Variants in TTC12 observed in about 807,000 individuals in gnomAD.
The protein encoded by TTC12 is tetratricopeptide repeat domain 12, also known as tetratricopeptide repeat protein 12.
Under a neutral mutation model 90.1 loss-of-function variants are expected in TTC12, and 70 were observed. That is an observed-to-expected ratio of 0.78 (90% CI 0.64 to 0.95). The LOEUF (loss-of-function observed/expected upper bound fraction) is 0.95. TTC12 is among the 40% of genes least tolerant of loss of function. The pLI is 0.00. For missense variants in TTC12, 819 were observed against 846.1 expected (o/e 0.97, Z 0.40); for synonymous variants, 296 against 311.5 (o/e 0.95, Z 0.53).
In TTC12 at chr11:113,351,283, C is replaced by T; in HGVS notation, c.1292C>T (p.Ala431Val). The T allele has an allele frequency of 1.2e-6, 2 of 1,614,044 alleles. No homozygotes were observed. Residue 431 changes from alanine (A) to valine (V), a missense_variant, in exon 15 of 22, where the codon GCA becomes GTA. Coordinates refer to ENST00000529221, the MANE Select transcript of TTC12 (RefSeq NM_017868.4). ...FQANLPGVLP[A>V]LTGVLKTDPK... is the part of the protein sequence containing the mutation. ...GCCAACCTTCCAGGTGTTCTCCCTGCACTCACAGGCGTTCTGGTGAGCAAA... is the reference window on the plus strand; with the variant it reads ...GCCAACCTTCCAGGTGTTCTCCCTGTACTCACAGGCGTTCTGGTGAGCAAA...
In TTC12 at chr11:113,346,463, C is replaced by T. The variant is rs185675019; in HGVS notation, c.1154+2023C>T. 1.6e-4 allele frequency among the ~76,000 whole-genome samples: 25 copies of T among 152,182 alleles called. No homozygotes were observed. In the East Asian group the frequency reaches 4.1e-3, roughly 25 times the overall value. ...AGCTATTGGTGCGGTGGCTTAAAGA[C>T]GTCGAGGTCCAAGTCTCTGCCCTTC... On this transcript the variant is annotated intron_variant, in intron 13 of 21. Coordinates refer to ENST00000529221, the MANE Select transcript of TTC12 (RefSeq NM_017868.4).
At chr11:113,347,510 A>G (rs1218392054) in intron 13 of TTC12, among the ~76,000 whole-genome samples, 2 of 152,198 alleles carry the variant, frequency 1.3e-5, no homozygotes, top group Non-Finnish European at 2.9e-5. Flanking sequence ...CTCCCAAGGT[A>G]GCCAACTGTC....
chr11:113,325,639 A>G lies in TTC12; in HGVS notation c.438A>G (p.Arg146=). ...LKDMKVLYTN[R]AQAYMKLEDY... The stretch of plus-strand genomic sequence containing the variant: ...ACATGAAAGTGCTGTACACCAACCG[A>G]GCCCAGGTCAGTGAGGCAGGGATGT... Residue 146 remains arginine, a synonymous_variant, in exon 6 of 22, where the codon CGA becomes CGG. Transcript: ENST00000529221. 1 of 1,613,900 alleles carries G rather than the reference A, an allele frequency of 6.2e-7. No individual in the cohort carries two copies. Among genetic ancestry groups the G allele is most frequent in the Non-Finnish European group, 8.5e-7 (1 of 1,179,792 alleles).
chr11:113,352,520 G>A (rs113362794), intron 16 of TTC12, among the ~76,000 whole-genome samples: 3,289 of 151,934 alleles, frequency 0.022, 116 homozygotes, highest in African/African-American at 0.072. Flanking sequence ...GTAAACTTGT[G>A]TCATGGGGGT....
intron 7 of TTC12, among the ~76,000 whole-genome samples, chr11:113,333,975 T>C (rs1163889994): frequency 2.0e-5 from 3 of 152,226 alleles, no homozygotes; most frequent in Non-Finnish European, 4.4e-5. Flanking sequence ...TTTTACATAA[T>C]TTCTTTCTCA....
intron 12 of TTC12, among the ~76,000 whole-genome samples, chr11:113,343,255 A>G (rs1486078697): frequency 6.6e-6 from 1 of 152,200 alleles, no homozygotes; most frequent in Non-Finnish European, 1.5e-5. Context: ...GAATGGGCTT[A>G]CCCGGAGGGG....
intron 8 of TTC12, among the ~76,000 whole-genome samples, chr11:113,335,549 C>T (rs1948319838): frequency 1.3e-5 from 2 of 152,076 alleles, no homozygotes; most frequent in Admixed American, 1.3e-4. Flanking sequence ...TCATCCCTTC[C>T]TAGGAAAACC....
intron 5 of TTC12, 89 bp downstream of exon 5, chr11:113,324,771 C>G (rs1388818822): frequency 1.8e-5 from 21 of 1,177,048 alleles, no homozygotes; most frequent in Non-Finnish European, 2.5e-5. Context: ...TTGAGGACAT[C>G]TAGATTCCCA....
chr11:113,332,898 A>C (rs1231152783), intron 7 of TTC12, among the ~76,000 whole-genome samples: 3 of 152,110 alleles, frequency 2.0e-5, no homozygotes, highest in African/African-American at 7.2e-5. Context: ...TTGACTTCAC[A>C]TCCTCCATAT....
chr11:113,332,266 G>A (rs189424470), intron 7 of TTC12, among the ~76,000 whole-genome samples: 1 of 152,312 alleles, frequency 6.6e-6, no homozygotes, highest in East Asian at 1.9e-4. Flanking sequence ...ATTCTCGTGA[G>A]GGTCGACACA....
chr11:113,365,086 T>A, intron 21 of TTC12, 26 bp downstream of exon 21: 1 of 1,603,272 alleles, frequency 6.2e-7, no homozygotes. Context: ...GGAGCCAGGC[T>A]GACCTATTGC....
At chr11:113,341,755 A>G in intron 11 of TTC12, 82 bp from the exon 12 acceptor site, 1 of 1,021,588 alleles carries the variant, frequency 9.8e-7, no homozygotes, top group Non-Finnish European at 1.6e-6. Flanking sequence ...TGGTGAATCT[A>G]GGGGTGAAAT....
chr11:113,352,244 C>T (rs782199610), intron 16 of TTC12, 37 bp downstream of exon 16: 5 of 1,613,678 alleles, frequency 3.1e-6, no homozygotes, highest in Admixed American at 3.3e-5. Context: ...GGTCTTTATC[C>T]TCTTTGGGGG....
chr11:113,324,118 A>C (rs1324329647), intron 4 of TTC12, 103 bp downstream of exon 4: 2 of 915,118 alleles, frequency 2.2e-6, no homozygotes, highest in African/African-American at 3.3e-5. Context: ...GAGCTTACAA[A>C]CAACCTGTGA....
intron 12 of TTC12, among the ~76,000 whole-genome samples, chr11:113,343,486 G>A (rs1462474008): frequency 6.6e-6 from 1 of 152,188 alleles, no homozygotes; most frequent in African/African-American, 2.4e-5. Context: ...CTGTAGTCCT[G>A]TTACTCTGGC....
intron 11 of TTC12, among the ~76,000 whole-genome samples, chr11:113,340,977 C>G (rs2137995559): frequency 6.6e-6 from 1 of 152,300 alleles, no homozygotes; most frequent in South Asian, 2.1e-4. Context: ...TGCCAGTAAT[C>G]CCAGCATTTT....
At chr11:113,316,345 C>A (rs1342969160) in intron 2 of TTC12, 30 bp downstream of exon 2, 1 of 1,215,852 alleles carries the variant, frequency 8.2e-7, no homozygotes, top group African/African-American at 1.5e-5. Flanking sequence ...AAATTAATTT[C>A]TGCTTTAGAG....
rs782564407 is a variant in TTC12, at chr11:113,340,744, T to C, written c.896+11T>C. The C allele has an allele frequency of 3.7e-6, 6 of 1,606,480 alleles. No homozygotes were observed. Among genetic ancestry groups the C allele is most frequent in the Non-Finnish European group, 5.1e-6 (6 of 1,173,044 alleles). ...CGAGGTCATAAGAAGGTAGGGATGT[T>C]CATAGAGACAGCCCAGCAGCAAAGC... On this transcript the variant is annotated intron_variant, in intron 11 of 21. Coordinates refer to ENST00000529221, the MANE Select transcript of TTC12 (RefSeq NM_017868.4).
chr11:113,321,664 C>T (rs568632649), intron 2 of TTC12, among the ~76,000 whole-genome samples: 3 of 152,168 alleles, frequency 2.0e-5, no homozygotes, highest in Non-Finnish European at 4.4e-5. Flanking sequence ...TTCTCTGCCA[C>T]TTGAATCTGG....
Sources: gnomAD v4.1 joint callset for allele counts (sites outside exome capture counted in the v4.1 genomes callset) on GRCh38, gnomAD v4.1.1 for gene constraint, MANE v1.5 for transcripts, NCBI Gene and HGNC (gene_info 2026-07-23, HGNC 2026-07-21) for gene names.